The following HECTD4 variants were observed in gnomAD, a reference collection of about 807,000 sequenced individuals.
HECTD4 encodes the protein HECT domain E3 ubiquitin protein ligase 4, also known as probable E3 ubiquitin-protein ligase HECTD4.
A neutral mutation model predicts 471.5 loss-of-function variants in HECTD4; 114 were observed. The observed-to-expected ratio is 0.24, with a 90% CI of 0.21 to 0.28. The LOEUF (loss-of-function observed/expected upper bound fraction) is 0.28. Among genes scored for constraint, HECTD4 ranks in the 10% least tolerant of loss-of-function variants. HECTD4 has a pLI of 1.00. For missense variants in HECTD4, 3,866 were observed against 5,651.5 expected (o/e 0.68, Z 10.13); for synonymous variants, 2,012 against 2,256.0 (o/e 0.89, Z 3.07).
In HECTD4 at chr12:112,194,485, G is replaced by C. The variant is rs2032175543; in HGVS notation, c.8749+400C>G. The stretch of plus-strand genomic sequence containing the variant: ...GCCAAGGGCACACAGGCTGGCCTTT[G>C]GAACAGCCTCAGCAGAACTTATGAT... On this transcript the variant is annotated intron_variant, in intron 56 of 75. Coordinates refer to ENST00000682272, the MANE Select transcript of HECTD4 (RefSeq NM_001388303.1). The surrounding 1 kb of genome is among the most constrained non-coding windows in gnomAD (Gnocchi z 4.6). Among the ~76,000 whole-genome samples the C allele has an allele frequency of 6.6e-6, 1 of 152,230 alleles. No individual in the cohort carries two copies. The highest frequency in any genetic ancestry group is 2.4e-5 in the African/African-American group (1 of 41,462).
intron 44 of HECTD4, among the ~76,000 whole-genome samples, chr12:112,220,307 C>G (rs1241448939): frequency 6.6e-6 from 1 of 151,908 alleles, no homozygotes; most frequent in Non-Finnish European, 1.5e-5. Flanking sequence ...GATATATGAG[C>G]CAAAGCCCCT....
intron 7 of HECTD4, among the ~76,000 whole-genome samples, chr12:112,299,283 T>C (rs900382731): frequency 1.3e-5 from 2 of 152,098 alleles, no homozygotes; most frequent in Non-Finnish European, 1.5e-5. Context: ...TCTTTAAAAA[T>C]ACGGACATTT....
At chr12:112,218,948 G>A (rs1160905200) in intron 45 of HECTD4, among the ~76,000 whole-genome samples, 1 of 151,928 alleles carries the variant, frequency 6.6e-6, no homozygotes, top group Non-Finnish European at 1.5e-5. Context: ...TGGCCAGGCT[G>A]GTCTCAAACT....
rs774615086 is a variant in HECTD4, at chr12:112,235,557, G to A, written c.5672C>T (p.Ala1891Val). The A allele has an allele frequency of 6.2e-7, 1 of 1,613,774 alleles. No individual in the cohort carries two copies. The highest frequency in any genetic ancestry group is 8.5e-7 in the Non-Finnish European group (1 of 1,179,848). Residue 1891 changes from alanine (A) to valine (V), a missense_variant, in exon 36 of 76, where the codon GCT (alanine) becomes GTT (valine). By Grantham distance (64) the Ala-to-Val change is moderately conservative. Around this residue, in one of 16 missense-constraint regions of HECTD4, gnomAD observed 617 missense variants for 915.1 expected, o/e 0.67. Coordinates refer to ENST00000682272, the MANE Select transcript of HECTD4 (RefSeq NM_001388303.1). The surrounding 1 kb of genome is among the most constrained non-coding windows in gnomAD (Gnocchi z 5.0). ...NSEQEDPSDP[A>V]SKIASLLLAK... ...TAAGAGCAGGGAGGCGATCTTGGAA[G>A]CTGGGTCGCTGGGATCCTCCTGCTC...
chr12:112,228,043 G>C lies in HECTD4; in HGVS notation c.6854+46C>G, dbSNP rs878894700. On this transcript the variant is annotated intron_variant, in intron 43 of 75. Coordinates refer to ENST00000682272, the MANE Select transcript of HECTD4 (RefSeq NM_001388303.1). This position sits in a 1 kb window ranked among gnomAD's most constrained non-coding sequence, Gnocchi z 4.9. ...CCACCAAGGATCCCTTCTTCTGTCA[G>C]CTTGCACCATGTCAGCACATAAGGC... The C allele has an allele frequency of 6.6e-7, 1 of 1,520,910 alleles. No homozygotes were observed. The highest frequency in any genetic ancestry group is 1.3e-5 in the South Asian group (1 of 74,136). 94.2% of individuals were successfully genotyped at this position (1,520,910 alleles called of 1,614,324 possible). A position where few individuals can be genotyped will look rare whatever the true frequency, so the allele number is the denominator to read the frequency against.
In HECTD4 at chr12:112,308,442, A is replaced by C. The variant is rs1450307911; in HGVS notation, c.1164+311T>G. On this transcript the variant is annotated intron_variant, in intron 6 of 75. Transcript: ENST00000682272. ...GATCTGGTTCAAAAAAAGCAAAAAA[A>C]AAAACAAAAACAAAACAAAAAAAAA... is the stretch of plus-strand genomic sequence containing the variant. Among the ~76,000 whole-genome samples the C allele has an allele frequency of 4.7e-5, 7 of 148,262 alleles. No individual in the cohort carries two copies. In the Admixed American group the frequency reaches 4.8e-4, roughly 10 times the overall value.
At chr12:112,315,476 T>C (rs2035460454) in intron 2 of HECTD4, among the ~76,000 whole-genome samples, 1 of 152,052 alleles carries the variant, frequency 6.6e-6, no homozygotes, top group South Asian at 2.1e-4. Context: ...AGGCAGCAGA[T>C]AGAGTATAAA....
chr12:112,251,550 G>T (rs1314429237), intron 23 of HECTD4, among the ~76,000 whole-genome samples: 1 of 152,074 alleles, frequency 6.6e-6, no homozygotes, highest in East Asian at 1.9e-4. Flanking sequence ...ATATTTACTG[G>T]GTGTCCTCTG....
At position 112,250,341 on chromosome 12, in the gene HECTD4, G is replaced by A; in HGVS notation, c.3753C>T (p.Ser1251=). The part of the protein sequence containing the change: ...QWQVEANGVI[S]PALTPSPSPL... ...GAGAGGGGCTCGGAGTAAGGGCAGG[G>A]GAGATCACGCCATTGGCCTCCACCT... Residue 1251 remains serine, a synonymous_variant, in exon 25 of 76, where the codon TCC becomes TCT. Coordinates refer to ENST00000682272, the MANE Select transcript of HECTD4 (RefSeq NM_001388303.1). The A allele has an allele frequency of 6.2e-7, 1 of 1,613,846 alleles. No homozygotes were observed. Among genetic ancestry groups the A allele is most frequent in the Admixed American group, 1.7e-5 (1 of 60,014 alleles).
At chr12:112,362,428 C>T (rs1423614114) in intron 1 of HECTD4, among the ~76,000 whole-genome samples, 1 of 152,130 alleles carries the variant, frequency 6.6e-6, no homozygotes, top group Non-Finnish European at 1.5e-5. Context: ...ACAGTAAGGG[C>T]TCTGTGGAAG....
Position 112,382,176 on chromosome 12 carries a change from G to A in HECTD4, c.-48C>T, listed in dbSNP as rs1034920775. 2.0e-5 allele frequency: 24 copies of A among 1,209,130 alleles called. No individual in the cohort carries two copies. The Middle Eastern group carries it at 9.6e-4, about 48-fold the overall frequency. The allele number at this position is 1,209,130 out of a possible 1,614,324, so 74.9% of individuals were successfully genotyped here. On this transcript the variant is annotated 5_prime_UTR_variant, in exon 1 of 76. Transcript: ENST00000682272. ...CTGAGGAGCAGACGCCCGGCCGGGG[G>A]AAACGGAGCAGGAGCCGCCGCGATC...
At chr12:112,277,068 C>T (rs1002241392) in intron 9 of HECTD4, among the ~76,000 whole-genome samples, 1 of 152,126 alleles carries the variant, frequency 6.6e-6, no homozygotes, top group African/African-American at 2.4e-5. Context: ...TATGACCCAG[C>T]GATTCCACTC....
At chr12:112,367,306 A>AAAAAAG (rs1362315585) in intron 1 of HECTD4, among the ~76,000 whole-genome samples, 6 of 133,890 alleles carry the variant, frequency 4.5e-5, no homozygotes, top group African/African-American at 8.2e-5. Context: ...CTCAAAAAAA[A>AAAAAAG]AAAGAAAGAA....
chr12:112,186,662 CTT>C (rs778779883), intron 60 of HECTD4, among the ~76,000 whole-genome samples: 46 of 116,524 alleles, frequency 3.9e-4, no homozygotes, highest in Admixed American at 3.6e-4. Flanking sequence ...TTTTAAGCTG[CTT>C]TTTTTTTTTT....
intron 19 of HECTD4, 194 bp from the exon 20 acceptor site, chr12:112,258,790 T>C (rs1375936720): frequency 1.6e-5 from 9 of 561,220 alleles, no homozygotes; most frequent in Admixed American, 7.4e-5. Flanking sequence ...GCATCATTTA[T>C]ATTAGCTACT....
chr12:112,222,630 G>A (rs1262281474), intron 44 of HECTD4, among the ~76,000 whole-genome samples: 1 of 152,142 alleles, frequency 6.6e-6, no homozygotes, highest in African/African-American at 2.4e-5. Context: ...TCGTGCCACC[G>A]CACTCCAGCC....
intron 25 of HECTD4, chr12:112,249,549 A>AT (rs986313306): frequency 2.6e-5 from 4 of 153,856 alleles, no homozygotes; most frequent in Admixed American, 2.6e-4. Context: ...TGTTTTCTGT[A>AT]TTTTTTTCAT....
At chr12:112,196,448 T>C (rs1231080320) in intron 55 of HECTD4, among the ~76,000 whole-genome samples, 2 of 152,206 alleles carry the variant, frequency 1.3e-5, no homozygotes, top group African/African-American at 4.8e-5. Flanking sequence ...TGGAAGCCCA[T>C]GTGTTCACTG....
In HECTD4 at chr12:112,179,447, G is replaced by A; in HGVS notation, c.10988-50C>T. The A allele has an allele frequency of 2.0e-6, 3 of 1,470,884 alleles. No homozygotes were observed. The highest frequency in any genetic ancestry group is 2.8e-6 in the Non-Finnish European group (3 of 1,067,542). 91.1% of individuals were successfully genotyped at this position (1,470,884 alleles called of 1,614,324 possible). On this transcript the variant is annotated intron_variant, in intron 62 of 75. Coordinates refer to ENST00000682272, the MANE Select transcript of HECTD4 (RefSeq NM_001388303.1). The surrounding 1 kb of genome is among the most constrained non-coding windows in gnomAD (Gnocchi z 4.3). ...CAATTCTGCCGTGAACATGCATCGG[G>A]ACAAGCCCTGCGAGCATTCTGTTTC...
Sources: gnomAD v4.1 joint callset for allele counts (sites outside exome capture counted in the v4.1 genomes callset) on GRCh38, gnomAD v4.1.1 for gene constraint, gnomAD v4.1.1 regional missense constraint, Gnocchi (gnomAD v3.1) non-coding constraint, MANE v1.5 for transcripts, NCBI Gene and HGNC (gene_info 2026-07-23, HGNC 2026-07-21) for gene names.